KCNQ3: variants seen among roughly 807,000 people sequenced by gnomAD.
The protein encoded by KCNQ3 is potassium voltage-gated channel subfamily KQT member 3.
Under a neutral mutation model 92.5 loss-of-function variants are expected in KCNQ3, and 30 were observed. The ratio of observed to expected loss-of-function variants is 0.32; its 90% CI spans 0.24 to 0.44. The LOEUF is 0.44. Ranked by LOEUF, KCNQ3 falls within the 20% of genes least tolerant of loss-of-function variation. The pLI, the probability that KCNQ3 is intolerant of heterozygous loss-of-function variation, is 1.00. For synonymous variants in KCNQ3, 450 were observed against 468.8 expected (o/e 0.96, Z 0.52); for missense variants, 913 against 1,140.3 (o/e 0.80, Z 2.87).
At chr8:132,467,828 GC>G (rs1350329229) in intron 1 of KCNQ3, among the ~76,000 whole-genome samples, 4 of 152,204 alleles carry the variant, frequency 2.6e-5, no homozygotes, top group Admixed American at 6.5e-5. Flanking sequence ...CAGCTGTGAA[GC>G]CAGAGGAAAC....
intron 1 of KCNQ3, among the ~76,000 whole-genome samples, chr8:132,452,733 G>A (rs1312561856): frequency 2.0e-5 from 3 of 152,164 alleles, no homozygotes; most frequent in Non-Finnish European, 4.4e-5. Context: ...TGTCAAGCAT[G>A]ATAGAGGATT....
chr8:132,422,327 G>GCCA (rs1392301270), intron 1 of KCNQ3, among the ~76,000 whole-genome samples: 1 of 152,100 alleles, frequency 6.6e-6, no homozygotes, highest in Non-Finnish European at 1.5e-5. Flanking sequence ...CTCAAGTCCA[G>GCCA]CCACCACCAC....
At chr8:132,362,446 A>G (rs1427256406) in intron 1 of KCNQ3, among the ~76,000 whole-genome samples, 1 of 152,186 alleles carries the variant, frequency 6.6e-6, no homozygotes, top group Non-Finnish European at 1.5e-5. Context: ...TCAACCTTCC[A>G]GTTCCAGCAG....
At chr8:132,303,698 C>A (rs1817322156) in intron 1 of KCNQ3, among the ~76,000 whole-genome samples, 1 of 125,868 alleles carries the variant, frequency 7.9e-6, no homozygotes, top group African/African-American at 3.1e-5. Context: ...AGCCACACCA[C>A]ACACACACAT....
At chr8:132,138,346 G>T (rs1433037688) in intron 11 of KCNQ3, among the ~76,000 whole-genome samples, 1 of 152,196 alleles carries the variant, frequency 6.6e-6, no homozygotes, top group Non-Finnish European at 1.5e-5. Flanking sequence ...ATTTATAGAT[G>T]ATGTGATTGT....
intron 1 of KCNQ3, among the ~76,000 whole-genome samples, chr8:132,454,376 T>C (rs1250191024): frequency 6.6e-6 from 1 of 152,194 alleles, no homozygotes; most frequent in Admixed American, 6.5e-5. Flanking sequence ...GCCCGGAGTG[T>C]TATATTAATA....
intron 1 of KCNQ3, among the ~76,000 whole-genome samples, chr8:132,346,182 CTT>C (rs1471029816): frequency 6.6e-6 from 1 of 152,132 alleles, no homozygotes; most frequent in Admixed American, 6.5e-5. Flanking sequence ...ATGACCATCA[CTT>C]TTCCCTTTCT....
At chr8:132,415,509 C>T (rs1305326685) in intron 1 of KCNQ3, among the ~76,000 whole-genome samples, 1 of 152,226 alleles carries the variant, frequency 6.6e-6, no homozygotes. Context: ...AACCAAACAG[C>T]AGTGACATTC....
chr8:132,412,879 G>A (rs545789459), intron 1 of KCNQ3, among the ~76,000 whole-genome samples: 16 of 152,264 alleles, frequency 1.1e-4, no homozygotes, highest in Admixed American at 3.3e-4. Context: ...CTGTTGACCC[G>A]GATCACTTAA....
intron 1 of KCNQ3, among the ~76,000 whole-genome samples, chr8:132,291,588 T>C (rs1365636552): frequency 6.6e-6 from 1 of 152,248 alleles, no homozygotes; most frequent in African/African-American, 2.4e-5. Context: ...ATTCCCAATG[T>C]TTATCCATTA....
chr8:132,363,440 G>C (rs1278584300), intron 1 of KCNQ3, among the ~76,000 whole-genome samples: 1 of 152,126 alleles, frequency 6.6e-6, no homozygotes, highest in Non-Finnish European at 1.5e-5. Flanking sequence ...TACCGGGCCA[G>C]GTGGTGTGGC....
chr8:132,298,466 C>A (rs1817113690), intron 1 of KCNQ3, among the ~76,000 whole-genome samples: 1 of 152,182 alleles, frequency 6.6e-6, no homozygotes, highest in South Asian at 2.1e-4. Context: ...ACTTCACACA[C>A]AAATGTGTGG....
At chr8:132,455,117 A>C (rs187342588) in intron 1 of KCNQ3, among the ~76,000 whole-genome samples, 1 of 152,334 alleles carries the variant, frequency 6.6e-6, no homozygotes, top group Non-Finnish European at 1.5e-5. Flanking sequence ...AAAATAGTTA[A>C]AATGGTAAAT....
At chr8:132,243,596 CA>C (rs1815062235) in intron 1 of KCNQ3, among the ~76,000 whole-genome samples, 1 of 152,208 alleles carries the variant, frequency 6.6e-6, no homozygotes, top group Admixed American at 6.5e-5. Flanking sequence ...CCATGTAAGA[CA>C]AGAGTGCCTC....
intron 1 of KCNQ3, among the ~76,000 whole-genome samples, chr8:132,236,136 G>A (rs910137019): frequency 2.0e-5 from 3 of 152,198 alleles, no homozygotes; most frequent in African/African-American, 7.2e-5. Flanking sequence ...TAGAAAGAGT[G>A]GAGAGCTATC....
Position 132,129,773 on chromosome 8 carries a change from G to A in KCNQ3, c.2108C>T (p.Thr703Ile). 6.2e-7 allele frequency: 1 copy of A among 1,614,180 alleles called. No homozygotes were observed. Among genetic ancestry groups the A allele is most frequent in the Non-Finnish European group, 8.5e-7 (1 of 1,180,040 alleles). Residue 703 changes from threonine to isoleucine, a missense_variant, in exon 15 of 15, where the codon ACC becomes ATC. Physicochemically the swap from Thr to Ile is moderately conservative, Grantham distance 89 (BLOSUM62 -1). Transcript: ENST00000388996. The surrounding 1 kb of genome is among the most constrained non-coding windows in gnomAD (Gnocchi z 5.9). ...PEPPYSFHQV[T>I]IDKVSPYGFF... ...CCCATAGGGGCTGACTTTGTCAATGGTCACCTGGTGGAAGCTGTAGGGTGG... is the reference window on the plus strand; with the variant it reads ...CCCATAGGGGCTGACTTTGTCAATGATCACCTGGTGGAAGCTGTAGGGTGG...
chr8:132,473,923 T>C (rs1174618399), intron 1 of KCNQ3, among the ~76,000 whole-genome samples: 1 of 152,234 alleles, frequency 6.6e-6, no homozygotes, highest in Non-Finnish European at 1.5e-5. Context: ...TGTGTCTCAC[T>C]ACCCAGTCTT....
chr8:132,240,928 A>G (rs1171573770), intron 1 of KCNQ3, among the ~76,000 whole-genome samples: 3 of 150,994 alleles, frequency 2.0e-5, no homozygotes, highest in African/African-American at 7.3e-5. Context: ...TTGTTCTCTC[A>G]CCCAGGCTGG....
At position 132,120,879 on chromosome 8, in the gene KCNQ3, A is replaced by G. The variant is rs1002834653; in HGVS notation, c.*8383T>C. On this transcript the variant is annotated 3_prime_UTR_variant, in exon 15 of 15. Coordinates refer to ENST00000388996, the MANE Select transcript of KCNQ3 (RefSeq NM_004519.4). ...CACATAATCACTGAAATGTCTATTT[A>G]TTAATAAGTGGTGCAGTATTTATTT... 2.0e-5 allele frequency: 3 copies of G among 152,266 alleles called. No individual in the cohort carries two copies. Among genetic ancestry groups the G allele is most frequent in the African/African-American group, 7.2e-5 (3 of 41,470 alleles). The allele number at this position is 152,266 out of a possible 1,614,324, so 9.4% of individuals were successfully genotyped here.
Sources: gnomAD v4.1 joint callset for allele counts (sites outside exome capture counted in the v4.1 genomes callset) on GRCh38, gnomAD v4.1.1 for gene constraint, Gnocchi (gnomAD v3.1) non-coding constraint, MANE v1.5 for transcripts, NCBI Gene and HGNC (gene_info 2026-07-23, HGNC 2026-07-21) for gene names.